The following NDEL1 variants were observed in gnomAD, a reference collection of about 807,000 sequenced individuals.
NDEL1 encodes nudE neurodevelopment protein 1 like 1.
NDEL1 carries 9 observed loss-of-function variants against 45.7 expected under a neutral mutation model. That is an observed-to-expected ratio of 0.20 (90% CI 0.12 to 0.34). The LOEUF (loss-of-function observed/expected upper bound fraction) is 0.34, where lower values mean the gene tolerates loss of function less well. Ranked by LOEUF, NDEL1 falls within the 10% of genes least tolerant of loss-of-function variation. The pLI is 1.00. For missense variants in NDEL1, 306 were observed against 406.2 expected (o/e 0.75, Z 2.12); for synonymous variants, 133 against 158.6 (o/e 0.84, Z 1.21).
intron 8 of NDEL1, chr17:8,461,355 C>T (rs1401145936): frequency 6.6e-6 from 1 of 152,226 alleles, no homozygotes; most frequent in Non-Finnish European, 1.5e-5. Context: ...ATTAAAAGCA[C>T]ATCCTAAAAC....
Position 8,426,652 on chromosome 17 carries a change from C to A in NDEL1, c.-13+13383C>A, listed in dbSNP as rs547724820. The stretch of plus-strand genomic sequence containing the variant: ...AGTGAAGCCTGAAGCTTGGGGAAGT[C>A]AGGAAAACCGTGAGGTTCCAGATCA... On this transcript the variant is annotated intron_variant, in intron 1 of 4. Coordinates refer to the NDEL1 transcript ENST00000582812. Among the ~76,000 whole-genome samples the A allele has an allele frequency of 2.6e-5, 4 of 152,204 alleles. No individual in the cohort carries two copies. In the South Asian group the frequency reaches 6.2e-4, roughly 24 times the overall value.
rs1909498561 is a variant in NDEL1 at position 8,438,413 on chromosome 17, G to A, written c.-13+2368G>A. Among the ~76,000 whole-genome samples the A allele has an allele frequency of 2.0e-5, 3 of 152,210 alleles. No homozygotes were observed. The South Asian group carries it at 6.2e-4, about 32-fold the overall frequency. ...TGAAATAAGTGAACACATCCTCCCA[G>A]TGTAACTTGAAGCAAACTGAACAGA... On this transcript the variant is annotated intron_variant, in intron 1 of 8. Transcript: ENST00000334527.
At chr17:8,453,133 G>A (rs1321633094) in intron 6 of NDEL1, among the ~76,000 whole-genome samples, 2 of 152,200 alleles carry the variant, frequency 1.3e-5, no homozygotes, top group Admixed American at 1.3e-4. Context: ...AGGGAAAAAT[G>A]AGATCTAGAA....
intron 1 of NDEL1, among the ~76,000 whole-genome samples, chr17:8,441,317 A>G (rs1159184121): frequency 6.6e-6 from 1 of 152,216 alleles, no homozygotes; most frequent in Non-Finnish European, 1.5e-5. Context: ...GCTGAGAGGT[A>G]TTATCATCAA....
At chr17:8,444,502 C>A in intron 2 of NDEL1, 145 bp downstream of exon 2, 1 of 604,540 alleles carries the variant, frequency 1.7e-6, no homozygotes, top group Non-Finnish European at 2.9e-6. Context: ...ACAGTCACCA[C>A]ATGGGTTGTA....
upstream of NDEL1, chr17:8,435,790 G>GCCCCCCCCC: frequency 2.4e-5 from 9 of 371,038 alleles, no homozygotes; most frequent in Admixed American, 9.6e-5. Context: ...TGTGACACCA[G>GCCCCCCCCC]CCCCGCCCCA....
chr17:8,446,979 C>T (rs2151718948), intron 4 of NDEL1, 77 bp downstream of exon 4: 3 of 1,506,914 alleles, frequency 2.0e-6, no homozygotes, highest in Admixed American at 2.0e-5. Flanking sequence ...AGGCTCTTCC[C>T]CTAGATCTTA....
intron 1 of NDEL1, among the ~76,000 whole-genome samples, chr17:8,439,609 G>C (rs1406619206): frequency 1.3e-5 from 2 of 152,032 alleles, no homozygotes; most frequent in African/African-American, 4.8e-5. Context: ...TTCCAAAAAA[G>C]AAGTTTTGGA....
intron 7 of NDEL1, among the ~76,000 whole-genome samples, chr17:8,457,554 C>G (rs911203097): frequency 1.3e-5 from 2 of 152,184 alleles, no homozygotes; most frequent in African/African-American, 4.8e-5. Context: ...TTCATTTATG[C>G]CTCTTTACAC....
At position 8,468,081 on chromosome 17, in the gene NDEL1, G is replaced by A. The variant is rs1911727071; in HGVS notation, c.*1058G>A. ...GTGTCCTCCTCTGGGCAGCTGTATA[G>A]GATCATCATGTGGTTACAAAAAATA... On this transcript the variant is annotated 3_prime_UTR_variant, in exon 9 of 9. Coordinates refer to ENST00000334527, the MANE Select transcript of NDEL1 (RefSeq NM_030808.5). The A allele has an allele frequency of 1.3e-5, 2 of 152,574 alleles. No homozygotes were observed. Among genetic ancestry groups the A allele is most frequent in the Admixed American group, 1.3e-4 (2 of 15,280 alleles). 9.5% of individuals were successfully genotyped at this position (152,574 alleles called of 1,614,324 possible).
At chr17:8,433,146 T>A (rs887556023), upstream of NDEL1, among the ~76,000 whole-genome samples, 2 of 151,752 alleles carry the variant, frequency 1.3e-5, no homozygotes, top group Non-Finnish European at 2.9e-5. Flanking sequence ...GTTTAAAATG[T>A]GTGAAATTTT....
At chr17:8,416,988 GTTC>G (rs1908561008) in intron 1 of NDEL1, among the ~76,000 whole-genome samples, 1 of 152,036 alleles carries the variant, frequency 6.6e-6, no homozygotes, top group African/African-American at 2.4e-5. Context: ...GAAGCCCCGT[GTTC>G]TTGTTTCATG....
At chr17:8,458,551 T>G (rs1052491758) in intron 7 of NDEL1, among the ~76,000 whole-genome samples, 8 of 150,550 alleles carry the variant, frequency 5.3e-5, no homozygotes, top group Non-Finnish European at 1.2e-4. Flanking sequence ...ATTTCTACTG[T>G]GTGTGTGTGT....
rs770163779 is a variant in NDEL1, at chr17:8,444,306, T to C, written c.35T>C (p.Leu12Ser). The change falls in exon 2 of 9, where the codon TTA becomes TCA. Residue 12 changes from leucine to serine, a missense_variant. By Grantham distance (145) the Leu-to-Ser change is moderately radical (BLOSUM62 -2). Coordinates refer to ENST00000334527, the MANE Select transcript of NDEL1 (RefSeq NM_030808.5). The part of the protein sequence containing the change: ...DGEDIPDFSS[L>S]KEETAYWKEL... ...GAAGATATACCAGATTTTTCAAGTT[T>C]AAAGGAGGAAACTGCTTATTGGAAG... 48 of 1,613,496 alleles carry C rather than the reference T, an allele frequency of 3.0e-5. No individual in the cohort carries two copies. The highest frequency in any genetic ancestry group is 4.0e-5 in the Non-Finnish European group (47 of 1,179,640).
At chr17:8,427,177 G>T (rs1218573531) in intron 1 of NDEL1, among the ~76,000 whole-genome samples, 1 of 152,234 alleles carries the variant, frequency 6.6e-6, no homozygotes, top group Non-Finnish European at 1.5e-5. Context: ...GGGATAAACT[G>T]ATGGGAGAGC....
chr17:8,425,860 T>C (rs1391699687), intron 1 of NDEL1, among the ~76,000 whole-genome samples: 4 of 152,068 alleles, frequency 2.6e-5, no homozygotes, highest in Non-Finnish European at 5.9e-5. Flanking sequence ...GGTACAATCA[T>C]GGCTCACTGC....
chr17:8,461,788 T>C (rs539968206), intron 8 of NDEL1, among the ~76,000 whole-genome samples: 2 of 152,350 alleles, frequency 1.3e-5, no homozygotes, highest in South Asian at 4.1e-4. Context: ...CTACAACTTA[T>C]AATGATCCTC....
intron 1 of NDEL1, chr17:8,444,005 T>C: frequency 3.2e-6 from 1 of 312,946 alleles, no homozygotes; most frequent in Non-Finnish European, 5.9e-6. Flanking sequence ...CCAGCGCCTA[T>C]GCTGCAACCA....
intron 2 of NDEL1, 37 bp downstream of exon 2, chr17:8,444,394 A>G: frequency 7.4e-7 from 1 of 1,354,712 alleles, no homozygotes. Context: ...AGGGGAGGGC[A>G]TTTGGAATAC....
Sources: gnomAD v4.1 joint callset for allele counts (sites outside exome capture counted in the v4.1 genomes callset) on GRCh38, gnomAD v4.1.1 for gene constraint, MANE v1.5 for transcripts, NCBI Gene and HGNC (gene_info 2026-07-23, HGNC 2026-07-21) for gene names.